The following LEKR1 variants were observed in gnomAD, a reference collection of about 807,000 sequenced individuals.
LEKR1 encodes protein LEKR1.
In LEKR1, 59 loss-of-function variants were observed where a neutral mutation model predicts 72.4. That is an observed-to-expected ratio of 0.82 (90% confidence interval 0.66 to 1.01). The LOEUF is 1.01. Among genes scored for constraint, LEKR1 ranks in the 50% least tolerant of loss-of-function variants. The probability of loss-of-function intolerance (pLI) is 0.00; values close to 1 mark genes in which losing one functional copy is unlikely to be tolerated. For missense variants in LEKR1, 728 were observed against 759.2 expected (o/e 0.96, Z 0.48); for synonymous variants, 257 against 263.2 (o/e 0.98, Z 0.23).
intron 4 of LEKR1, chr3:156,925,333 T>G (rs7640213): frequency 0.14 from 10,410 of 74,856 alleles, 913 homozygotes; most frequent in African/African-American, 0.27. Flanking sequence ...GTGTGTGTGT[T>G]TGTGTGTGTC....
intron 7 of LEKR1, among the ~76,000 whole-genome samples, chr3:156,981,896 A>G (rs959600913): frequency 2.0e-4 from 31 of 152,252 alleles, no homozygotes; most frequent in Non-Finnish European, 4.3e-4. Flanking sequence ...GGAATATGCT[A>G]TGAAATCAGG....
intron 12 of LEKR1, 69 bp from the exon 13 acceptor site, chr3:157,045,271 T>G: frequency 2.3e-6 from 3 of 1,294,246 alleles, no homozygotes; most frequent in Non-Finnish European, 3.2e-6. Context: ...AATTGTATTG[T>G]CCGTAACTAT....
At chr3:156,935,675 A>T (rs1166466391) in intron 5 of LEKR1, among the ~76,000 whole-genome samples, 1 of 152,196 alleles carries the variant, frequency 6.6e-6, no homozygotes, top group East Asian at 1.9e-4. Flanking sequence ...ACATGAAAAG[A>T]TGACCGGGAG....
intron 7 of LEKR1, chr3:156,979,953 A>G (rs1730038167): frequency 6.6e-6 from 1 of 152,192 alleles, no homozygotes; most frequent in African/African-American, 2.4e-5. Context: ...AGTTGAAGCT[A>G]CAGTGAACCA....
chr3:156,968,538 A>G (rs945221620), intron 6 of LEKR1, among the ~76,000 whole-genome samples: 2 of 152,222 alleles, frequency 1.3e-5, no homozygotes, highest in African/African-American at 4.8e-5. Flanking sequence ...CCATTACATA[A>G]TGGTAAAGGG....
intron 3 of LEKR1, among the ~76,000 whole-genome samples, chr3:156,899,665 TACACA>T (rs1560064846): frequency 7.2e-6 from 1 of 139,040 alleles, no homozygotes; most frequent in Non-Finnish European, 1.5e-5. Flanking sequence ...CACGCATATA[TACACA>T]TATATACACG....
chr3:156,897,410 A>G (rs1347518447), intron 3 of LEKR1, among the ~76,000 whole-genome samples: 2 of 152,120 alleles, frequency 1.3e-5, no homozygotes, highest in Admixed American at 6.6e-5. Context: ...AGGTCCTGAG[A>G]ACATGTGCTC....
intron 2 of LEKR1, among the ~76,000 whole-genome samples, chr3:156,847,234 AC>A (rs1714726012): frequency 6.6e-6 from 1 of 152,218 alleles, no homozygotes; most frequent in Non-Finnish European, 1.5e-5. Flanking sequence ...CCTTTTTAAA[AC>A]ATTTACATTA....
rs1037657636 is a variant in LEKR1 at position 156,899,513 on chromosome 3, T to C, written c.264-21062T>C. Among the ~76,000 whole-genome samples, 224 of 108,066 alleles carry C rather than the reference T, an allele frequency of 2.1e-3. 7 individuals are homozygous for C. Among genetic ancestry groups the C allele is most frequent in the African/African-American group, 9.6e-3 (212 of 22,014 alleles). The allele number at this position is 108,066 out of a possible 152,430, so 70.9% of individuals were successfully genotyped here. A position where few individuals can be genotyped will look rare whatever the true frequency, so the allele number is the denominator to read the frequency against. On this transcript the variant is annotated intron_variant, in intron 3 of 12. Transcript: ENST00000356539. ...ATATACACATATATACATGTATATA[T>C]ACATACATACATATATACACATATA...
chr3:156,878,704 G>A (rs1718911151), intron 3 of LEKR1, among the ~76,000 whole-genome samples: 1 of 152,018 alleles, frequency 6.6e-6, no homozygotes, highest in African/African-American at 2.4e-5. Flanking sequence ...TTGATGATCT[G>A]TGATATGGTT....
chr3:156,992,482 A>G (rs1731212948), intron 7 of LEKR1, among the ~76,000 whole-genome samples, 171 bp from the exon 8 acceptor site: 1 of 152,170 alleles, frequency 6.6e-6, no homozygotes, highest in African/African-American at 2.4e-5. Context: ...AATCAGTCTG[A>G]CAGAAGCTTT....
intron 6 of LEKR1, among the ~76,000 whole-genome samples, chr3:156,971,238 G>A (rs922610037): frequency 1.8e-4 from 27 of 152,306 alleles, no homozygotes; most frequent in African/African-American, 6.3e-4. Context: ...AAGAAATGGG[G>A]AAAGGATTCC....
intron 3 of LEKR1, among the ~76,000 whole-genome samples, chr3:156,858,205 C>A (rs1030706792): frequency 6.6e-6 from 1 of 152,068 alleles, no homozygotes. Flanking sequence ...GACTCCATTT[C>A]TCTTTCCTTG....
chr3:157,018,699 G>T (rs1361468956), intron 10 of LEKR1, among the ~76,000 whole-genome samples: 1 of 152,110 alleles, frequency 6.6e-6, no homozygotes, highest in Admixed American at 6.5e-5. Context: ...CCACCTTGTA[G>T]TTGCTCTATG....
intron 10 of LEKR1, among the ~76,000 whole-genome samples, chr3:157,019,077 T>A (rs1733606534): frequency 6.6e-6 from 1 of 152,224 alleles, no homozygotes; most frequent in South Asian, 2.1e-4. Context: ...CATTTTTAAG[T>A]TTTGTAAAAT....
At chr3:156,884,257 A>C (rs1013003785) in intron 3 of LEKR1, among the ~76,000 whole-genome samples, 1 of 152,162 alleles carries the variant, frequency 6.6e-6, no homozygotes, top group African/African-American at 2.4e-5. Flanking sequence ...TGGTGCATTT[A>C]GTCCATTTAC....
intron 12 of LEKR1, among the ~76,000 whole-genome samples, chr3:157,032,125 CTT>C (rs888282106): frequency 6.6e-6 from 1 of 152,042 alleles, no homozygotes; most frequent in Admixed American, 6.6e-5. Context: ...GAGAATAACA[CTT>C]ATCAATAAAA....
intron 3 of LEKR1, among the ~76,000 whole-genome samples, chr3:156,867,951 G>A (rs1221488493): frequency 1.3e-5 from 2 of 151,952 alleles, no homozygotes; most frequent in South Asian, 4.1e-4. Context: ...ATACCTACTG[G>A]AAGGTACTGA....
chr3:157,002,059 A>G (rs561933618), intron 9 of LEKR1, among the ~76,000 whole-genome samples: 20 of 152,270 alleles, frequency 1.3e-4, no homozygotes, highest in Admixed American at 2.0e-4. Flanking sequence ...TAGGAGTACA[A>G]TGAGAACTCC....
Sources: allele counts gnomAD v4.1 joint callset (sites outside exome capture counted in the v4.1 genomes callset), GRCh38; gene constraint gnomAD v4.1.1; transcripts MANE v1.5; gene names NCBI Gene and HGNC (gene_info 2026-07-23, HGNC 2026-07-21).